Variants in GPM6A observed in about 807,000 individuals in gnomAD.
GPM6A encodes glycoprotein M6A, also known as neuronal membrane glycoprotein M6-a.
In GPM6A, 7 loss-of-function variants were observed where a neutral mutation model predicts 32.1. The ratio of observed to expected loss-of-function variants is 0.22; its 90% CI spans 0.12 to 0.41. The LOEUF is 0.41. GPM6A is among the 10% of genes least tolerant of loss of function. The pLI is 1.00. For synonymous variants in GPM6A, 130 were observed against 123.4 expected, an observed-to-expected ratio of 1.05 and a Z score of -0.35; for missense variants, 235 against 347.2, an observed-to-expected ratio of 0.68 and a Z score of 2.57.
At chr4:175,814,721 C>T (rs181161405), upstream of GPM6A, among the ~76,000 whole-genome samples, 7 of 152,260 alleles carry the variant, frequency 4.6e-5, no homozygotes, top group African/African-American at 1.4e-4. Context: ...CAAATGGACT[C>T]GTCAAATGAA....
At chr4:175,722,583 A>G (rs941547864) in intron 1 of GPM6A, among the ~76,000 whole-genome samples, 2 of 151,880 alleles carry the variant, frequency 1.3e-5, no homozygotes. Context: ...TGGTGTCCAT[A>G]ATTTACTTTT....
At chr4:175,865,632 C>A (rs1226720697) in intron 1 of GPM6A, among the ~76,000 whole-genome samples, 1 of 152,110 alleles carries the variant, frequency 6.6e-6, no homozygotes, top group Non-Finnish European at 1.5e-5. Context: ...TCTACATGCA[C>A]ATCTTAAATA....
chr4:175,934,557 G>A (rs931211219), intron 1 of GPM6A, among the ~76,000 whole-genome samples: 5 of 152,124 alleles, frequency 3.3e-5, no homozygotes, highest in South Asian at 2.1e-4. Context: ...GAGTGATAAT[G>A]TTCTAACACT....
At chr4:175,829,319 G>A (rs931730928) in intron 1 of GPM6A, among the ~76,000 whole-genome samples, 3 of 152,026 alleles carry the variant, frequency 2.0e-5, no homozygotes, top group Admixed American at 1.3e-4. Context: ...TCAAGACAGG[G>A]GGAAAGTTTC....
At chr4:175,944,535 A>G (rs1375130818) in intron 1 of GPM6A, among the ~76,000 whole-genome samples, 1 of 152,238 alleles carries the variant, frequency 6.6e-6, no homozygotes, top group Non-Finnish European at 1.5e-5. Flanking sequence ...TTGAACATAT[A>G]CACACACGTA....
chr4:175,705,169 G>A (rs1334924024), intron 1 of GPM6A, among the ~76,000 whole-genome samples: 3 of 152,184 alleles, frequency 2.0e-5, no homozygotes, highest in South Asian at 4.1e-4. Context: ...AGAAAAGCCC[G>A]AGATAAATTC....
At chr4:175,843,792 G>T (rs1349794939) in intron 1 of GPM6A, among the ~76,000 whole-genome samples, 1 of 152,150 alleles carries the variant, frequency 6.6e-6, no homozygotes, top group East Asian at 1.9e-4. Flanking sequence ...GTAAAATAAG[G>T]TGACTGGATA....
At chr4:175,936,598 A>G (rs1739244022) in intron 1 of GPM6A, among the ~76,000 whole-genome samples, 1 of 152,110 alleles carries the variant, frequency 6.6e-6, no homozygotes, top group Non-Finnish European at 1.5e-5. Flanking sequence ...CACTTAAGAG[A>G]TTTAGCAACA....
chr4:175,911,451 C>T (rs1738312865), intron 1 of GPM6A, among the ~76,000 whole-genome samples: 1 of 152,134 alleles, frequency 6.6e-6, no homozygotes, highest in Non-Finnish European at 1.5e-5. Flanking sequence ...CCCTGCTTTT[C>T]AGCTCAAACT....
chr4:175,986,370 A>G (rs1387838402), intron 1 of GPM6A, among the ~76,000 whole-genome samples: 1 of 152,064 alleles, frequency 6.6e-6, no homozygotes, highest in African/African-American at 2.4e-5. Context: ...CCCTATCACT[A>G]TAAAAAAAAA....
intron 1 of GPM6A, among the ~76,000 whole-genome samples, chr4:175,984,982 C>T (rs1178322413): frequency 6.6e-6 from 1 of 152,100 alleles, no homozygotes; most frequent in Non-Finnish European, 1.5e-5. Flanking sequence ...AGTGCTAAAC[C>T]ACAGTTGTAA....
At chr4:175,668,696 T>G (rs1742888518) in intron 3 of GPM6A, among the ~76,000 whole-genome samples, 2 of 152,178 alleles carry the variant, frequency 1.3e-5, no homozygotes, top group African/African-American at 4.8e-5. Flanking sequence ...TCTCACATCC[T>G]GCAGAGCATT....
Position 175,651,874 on chromosome 4 carries a change from T to C in GPM6A, c.501A>G (p.Leu167=). 2 of 1,613,536 alleles carry C rather than the reference T, an allele frequency of 1.2e-6. No individual in the cohort carries two copies. The highest frequency in any genetic ancestry group is 1.7e-6 in the Non-Finnish European group (2 of 1,179,612). ...CCAAGCAGAGATTTGCTCCCTCCAC[T>C]AATGTGGTGTTCCGGCAGATGGTCC... ...NLWTICRNTT[L]VEGANLCLDL... Residue 167 remains leucine, a synonymous_variant, in exon 4 of 7, where the codon TTA becomes TTG. Coordinates refer to ENST00000393658, the MANE Select transcript of GPM6A (RefSeq NM_201591.3).
chr4:175,847,443 T>C, intron 1 of GPM6A, among the ~76,000 whole-genome samples: 1 of 152,194 alleles, frequency 6.6e-6, no homozygotes, highest in South Asian at 2.1e-4. Flanking sequence ...TATTCCATTC[T>C]GCCTAGGACG....
intron 3 of GPM6A, among the ~76,000 whole-genome samples, chr4:175,653,073 C>T (rs1287734974): frequency 6.6e-6 from 1 of 151,938 alleles, no homozygotes; most frequent in African/African-American, 2.4e-5. Flanking sequence ...TAGATTTTAC[C>T]CCACGATTTA....
intron 1 of GPM6A, among the ~76,000 whole-genome samples, chr4:175,786,150 A>AAT (rs1560932192): frequency 1.1e-4 from 16 of 152,158 alleles, no homozygotes; most frequent in Non-Finnish European, 2.1e-4. Context: ...TAAAAGTGCT[A>AAT]GGTGTTTCTT....
chr4:175,767,801 T>A (rs1269863018), intron 1 of GPM6A, among the ~76,000 whole-genome samples: 1 of 152,238 alleles, frequency 6.6e-6, no homozygotes, highest in Non-Finnish European at 1.5e-5. Flanking sequence ...AGAGTTATAA[T>A]GCGGATGTTG....
At chr4:175,985,323 G>C (rs1358403732) in intron 1 of GPM6A, among the ~76,000 whole-genome samples, 1 of 152,082 alleles carries the variant, frequency 6.6e-6, no homozygotes, top group Non-Finnish European at 1.5e-5. Flanking sequence ...ATTTACTGCT[G>C]GGATTAGTAT....
intron 1 of GPM6A, among the ~76,000 whole-genome samples, chr4:175,973,364 C>G (rs929679148): frequency 8.5e-5 from 13 of 152,202 alleles, no homozygotes; most frequent in African/African-American, 3.1e-4. Context: ...CACGGTTTTG[C>G]TGTTTAACAT....
Sources: gnomAD v4.1 joint callset for allele counts (sites outside exome capture counted in the v4.1 genomes callset) on GRCh38, gnomAD v4.1.1 for gene constraint, MANE v1.5 for transcripts, NCBI Gene and HGNC (gene_info 2026-07-23, HGNC 2026-07-21) for gene names.